The following PCSK6 variants were observed in gnomAD, a reference collection of about 807,000 sequenced individuals.
The protein encoded by PCSK6 is paired basic amino acid cleaving enzyme 4.
PCSK6 carries 85 observed loss-of-function variants against 123.3 expected under a neutral mutation model. That is an observed-to-expected ratio of 0.69 (90% CI 0.58 to 0.83). The LOEUF (loss-of-function observed/expected upper bound fraction) is 0.83, where lower values mean the gene tolerates loss of function less well. PCSK6 is among the 40% of genes least tolerant of loss of function. PCSK6 has a pLI of 0.00. For synonymous variants in PCSK6, 508 were observed against 516.0 expected, an observed-to-expected ratio of 0.98 and a Z score of 0.21; for missense variants, 1,191 against 1,282.3, an observed-to-expected ratio of 0.93 and a Z score of 1.09.
intron 6 of PCSK6, among the ~76,000 whole-genome samples, chr15:101,408,975 C>G (rs2042859195): frequency 6.6e-6 from 1 of 152,242 alleles, no homozygotes; most frequent in Admixed American, 6.5e-5. Flanking sequence ...TTTACTTTTC[C>G]TTCCCAGAAA....
At chr15:101,464,898 C>A (rs1419052396) in intron 1 of PCSK6, among the ~76,000 whole-genome samples, 1 of 152,166 alleles carries the variant, frequency 6.6e-6, no homozygotes, top group Non-Finnish European at 1.5e-5. Flanking sequence ...CTGCGGGATC[C>A]TGGGTAGTAG....
At chr15:101,431,963 G>T in intron 3 of PCSK6, 27 bp downstream of exon 3, 1 of 1,513,096 alleles carries the variant, frequency 6.6e-7, no homozygotes, top group Non-Finnish European at 9.2e-7. Context: ...AGTGTCCTGG[G>T]GCAGACAGAG....
At position 101,382,103 on chromosome 15, in the gene PCSK6, G is replaced by C. The variant is rs774132355; in HGVS notation, c.1521C>G (p.Asp507Glu). 1.9e-6 allele frequency: 3 copies of C among 1,605,696 alleles called. No individual in the cohort carries two copies. The African/African-American group carries it at 4.0e-5, about 21-fold the overall frequency. The change falls in exon 11 of 22, where the codon GAC becomes GAG. Residue 507 changes from aspartate (D) to glutamate (E), a missense_variant. Coordinates refer to ENST00000611716, the MANE Select transcript of PCSK6 (RefSeq NM_002570.5). ...PSQHMCVAAS[D>E]KRPRSIPLVQ... ...CAGCAGAGCCTTACCTGGGTCTCTT[G>C]TCCGAGGCGGCCACACACATGTGCT...
chr15:101,444,834 G>A (rs2056844639), intron 1 of PCSK6, among the ~76,000 whole-genome samples: 1 of 152,166 alleles, frequency 6.6e-6, no homozygotes, highest in South Asian at 2.1e-4. Flanking sequence ...AGAGTTGACT[G>A]GCCCAGGTGG....
intron 13 of PCSK6, among the ~76,000 whole-genome samples, chr15:101,353,145 A>G (rs549787540): frequency 6.6e-6 from 1 of 152,262 alleles, no homozygotes; most frequent in African/African-American, 2.4e-5. Context: ...ATAATGTAGA[A>G]TCAGTGGGAG....
chr15:101,334,530 T>G (rs542941487), intron 13 of PCSK6: 1 of 152,288 alleles, frequency 6.6e-6, no homozygotes, highest in Non-Finnish European at 1.5e-5. Flanking sequence ...AACCTCTGAC[T>G]CTCCTCAGCT....
intron 15 of PCSK6, among the ~76,000 whole-genome samples, chr15:101,327,328 T>C (rs575018211): frequency 4.6e-5 from 7 of 152,204 alleles, no homozygotes; most frequent in African/African-American, 1.7e-4. Context: ...ATCCCAGAGA[T>C]GAAGCCAGTG....
chr15:101,427,195 G>A (rs538953313), intron 6 of PCSK6, among the ~76,000 whole-genome samples: 1 of 152,050 alleles, frequency 6.6e-6, no homozygotes, highest in East Asian at 1.9e-4. Context: ...GGCAAGACCA[G>A]ACGCACGCGG....
At chr15:101,420,007 T>A (rs1160654075) in intron 6 of PCSK6, among the ~76,000 whole-genome samples, 1 of 151,632 alleles carries the variant, frequency 6.6e-6, no homozygotes, top group Non-Finnish European at 1.5e-5. Context: ...GCCAACATAG[T>A]GAAACACCGT....
At position 101,366,213 on chromosome 15, in the gene PCSK6, C is replaced by T. The variant is rs371396639; in HGVS notation, c.1841G>A (p.Arg614His). ...CCACTGACCTTGCTTCTCCGGGTTG[C>T]GGACCTGGGATGGCAGATCTTGGAT... ...LEIQDLPSQV[R>H]NPEKQGKLKE... The change falls in exon 13 of 22, where the codon CGC becomes CAC. Residue 614 changes from arginine to histidine, a missense_variant. Physicochemically the swap from Arg to His is conservative, Grantham distance 29. Around this residue, in one of 3 missense-constraint regions of PCSK6, gnomAD observed 630 missense variants for 631.4 expected, o/e 1.00. Transcript: ENST00000611716. 15 of 1,612,002 alleles carry T rather than the reference C, an allele frequency of 9.3e-6. No individual in the cohort carries two copies. The highest frequency in any genetic ancestry group is 1.6e-4 in the Middle Eastern group (1 of 6,070).
At chr15:101,327,562 C>T (rs892330331) in intron 15 of PCSK6, among the ~76,000 whole-genome samples, 1 of 152,202 alleles carries the variant, frequency 6.6e-6, no homozygotes, top group Non-Finnish European at 1.5e-5. Flanking sequence ...AAAACCTCCT[C>T]CTCCGAGGTG....
At chr15:101,377,053 A>G (rs772426287) in intron 11 of PCSK6, among the ~76,000 whole-genome samples, 1 of 152,262 alleles carries the variant, frequency 6.6e-6, no homozygotes, top group Non-Finnish European at 1.5e-5. Flanking sequence ...CTTCCTAAAA[A>G]GACGTCACAT....
Position 101,318,336 on chromosome 15 carries a change from G to T in PCSK6, c.2552C>A (p.Thr851Asn). 6.4e-7 allele frequency: 1 copy of T among 1,559,988 alleles called. No individual in the cohort carries two copies. Among genetic ancestry groups the T allele is most frequent in the South Asian group, 1.2e-5 (1 of 84,376 alleles). ...ELIRCGECHH[T>N]CGTCVGPGRE... ...GAACTCACCCACGCAGGTTCCGCAGGTGTGATGGCATTCCCCACATCTGAT... is the reference window on the plus strand; with the variant it reads ...GAACTCACCCACGCAGGTTCCGCAGTTGTGATGGCATTCCCCACATCTGAT... Residue 851 changes from threonine to asparagine, a missense_variant, in exon 19 of 22, where the codon ACC becomes AAC. This residue lies in a region of PCSK6 where 630 missense variants were observed against 631.4 expected (regional missense o/e 1.00). Coordinates refer to ENST00000611716, the MANE Select transcript of PCSK6 (RefSeq NM_002570.5).
chr15:101,358,663 CG>C (rs2041119374), intron 13 of PCSK6, among the ~76,000 whole-genome samples: 1 of 152,196 alleles, frequency 6.6e-6, no homozygotes, highest in South Asian at 2.1e-4. Context: ...CAGGAACAGC[CG>C]GAAGAGGTAC....
chr15:101,451,458 C>T (rs2141175576), intron 1 of PCSK6, among the ~76,000 whole-genome samples: 2 of 152,274 alleles, frequency 1.3e-5, no homozygotes, highest in East Asian at 3.9e-4. Flanking sequence ...GCCAGCCCAG[C>T]CAAACCCTTC....
At chr15:101,427,831 G>C (rs1291767204) in intron 6 of PCSK6, 61 bp downstream of exon 6, 10 of 1,318,516 alleles carry the variant, frequency 7.6e-6, no homozygotes, top group Non-Finnish European at 1.1e-5. Context: ...AGCGGACAGG[G>C]AGCTCCCAGC....
At chr15:101,387,066 A>G (rs546745058) in intron 9 of PCSK6, among the ~76,000 whole-genome samples, 52 of 151,968 alleles carry the variant, frequency 3.4e-4, no homozygotes, top group Non-Finnish European at 6.9e-4. Context: ...GACTTCTCCA[A>G]TGTGTTCTTG....
At chr15:101,411,786 G>A (rs1453995874) in intron 6 of PCSK6, among the ~76,000 whole-genome samples, 3 of 152,204 alleles carry the variant, frequency 2.0e-5, no homozygotes, top group South Asian at 4.1e-4. Context: ...TGAGGTGCCC[G>A]ACCTCACTGC....
intron 6 of PCSK6, among the ~76,000 whole-genome samples, chr15:101,402,746 G>A (rs1309407589): frequency 6.6e-6 from 1 of 152,176 alleles, no homozygotes; most frequent in Non-Finnish European, 1.5e-5. Flanking sequence ...AGTTAGAATG[G>A]CAATCATTAA....
Sources: gnomAD v4.1 joint callset for allele counts (sites outside exome capture counted in the v4.1 genomes callset) on GRCh38, gnomAD v4.1.1 for gene constraint, gnomAD v4.1.1 regional missense constraint, MANE v1.5 for transcripts, NCBI Gene and HGNC (gene_info 2026-07-23, HGNC 2026-07-21) for gene names.